Variants in PCDH15 observed in about 807,000 individuals in gnomAD.
PCDH15 encodes protocadherin-15.
Under a neutral mutation model 178.5 loss-of-function variants are expected in PCDH15, and 129 were observed. That is an observed-to-expected ratio of 0.72 (90% confidence interval 0.63 to 0.84). The LOEUF is 0.84. PCDH15 is among the 40% of genes least tolerant of loss of function. The pLI is 0.00. For missense variants in PCDH15, 2,230 were observed against 2,099.9 expected (o/e 1.06, Z -1.21); for synonymous variants, 800 against 732.0 (o/e 1.09, Z -1.50).
chr10:54,996,545 G>A (rs1411698670), intron 2 of PCDH15, among the ~76,000 whole-genome samples: 3 of 152,156 alleles, frequency 2.0e-5, no homozygotes, highest in East Asian at 3.9e-4. Flanking sequence ...CAGCCCTTTG[G>A]GGTGCCTTCT....
chr10:54,617,759 A>C (rs1422836881), intron 2 of PCDH15, among the ~76,000 whole-genome samples: 1 of 38,200 alleles, frequency 2.6e-5, no homozygotes, highest in Non-Finnish European at 7.8e-5. Flanking sequence ...AAAATACAAA[A>C]AAAAAAAAAA....
chr10:55,547,601 AC>A (rs1841912719), intron 2 of PCDH15, among the ~76,000 whole-genome samples: 1 of 152,084 alleles, frequency 6.6e-6, no homozygotes, highest in Admixed American at 6.6e-5. Flanking sequence ...AAACAAAAAA[AC>A]ATTAAACATG....
intron 3 of PCDH15, among the ~76,000 whole-genome samples, chr10:54,839,596 A>C (rs1047664729): frequency 6.6e-6 from 1 of 152,170 alleles, no homozygotes; most frequent in Non-Finnish European, 1.5e-5. Context: ...GCATATTTTA[A>C]GAAATAATGA....
At chr10:54,272,319 A>C (rs2058099594) in intron 8 of PCDH15, among the ~76,000 whole-genome samples, 1 of 151,866 alleles carries the variant, frequency 6.6e-6, no homozygotes, top group Non-Finnish European at 1.5e-5. Context: ...TTAATTGTAC[A>C]GCTATCAAAT....
chr10:54,635,559 A>G (rs1280970577), intron 2 of PCDH15, among the ~76,000 whole-genome samples: 1 of 151,920 alleles, frequency 6.6e-6, no homozygotes, highest in East Asian at 1.9e-4. Flanking sequence ...TAATACATTA[A>G]GCATTGTGTT....
chr10:54,849,396 G>C (rs921098517), intron 3 of PCDH15, among the ~76,000 whole-genome samples: 11 of 151,892 alleles, frequency 7.2e-5, no homozygotes, highest in African/African-American at 2.2e-4. Flanking sequence ...CAAATCTCTT[G>C]GCTGTTTCCC....
Position 55,336,195 on chromosome 10 carries a change from GC to G in PCDH15, c.-155-169545del, listed in dbSNP as rs1461012348. Among the ~76,000 whole-genome samples, 4 of 147,540 alleles carry G rather than the reference GC, an allele frequency of 2.7e-5. No homozygotes were observed. In the East Asian group the frequency reaches 8.3e-4, roughly 31 times the overall value. The stretch of plus-strand genomic sequence containing the variant: ...GTTCTCTCTGACTTTCTCCCTTGCA[GC>G]AGGGCATAAAACAATTCTCTGGGCC... On this transcript the variant is annotated intron_variant, in intron 2 of 5. Transcript: ENST00000613346.
chr10:54,064,816 G>T (rs1010813892), intron 18 of PCDH15, among the ~76,000 whole-genome samples: 31 of 152,266 alleles, frequency 2.0e-4, no homozygotes, highest in African/African-American at 7.2e-4. Context: ...CTCTGTGGGG[G>T]CAGGGGAGCT....
At chr10:54,706,830 C>A (rs939566711) in intron 1 of PCDH15, among the ~76,000 whole-genome samples, 2 of 152,082 alleles carry the variant, frequency 1.3e-5, no homozygotes, top group Non-Finnish European at 2.9e-5. Context: ...ACCATGTGGG[C>A]CAAGCTGGTC....
At chr10:54,937,397 A>G (rs1837935088) in intron 2 of PCDH15, among the ~76,000 whole-genome samples, 2 of 152,070 alleles carry the variant, frequency 1.3e-5, no homozygotes, top group South Asian at 4.1e-4. Context: ...TCATAGATCA[A>G]TTAAGAGATA....
chr10:54,526,107 C>A (rs1021781096), intron 3 of PCDH15, among the ~76,000 whole-genome samples: 1 of 152,194 alleles, frequency 6.6e-6, no homozygotes, highest in Non-Finnish European at 1.5e-5. Flanking sequence ...ACTTTTACCA[C>A]CTGCTACTGT....
At chr10:54,429,184 G>A (rs10825329) in intron 3 of PCDH15, among the ~76,000 whole-genome samples, 23,919 of 152,028 alleles carry the variant, frequency 0.16, 2,024 homozygotes, top group Middle Eastern at 0.24. Flanking sequence ...AAAGCGGGGG[G>A]AGATTTTCAA....
chr10:55,222,956 C>T (rs982647588), intron 1 of PCDH15, among the ~76,000 whole-genome samples: 4 of 151,690 alleles, frequency 2.6e-5, no homozygotes, highest in East Asian at 3.9e-4. Flanking sequence ...TTTTTGATTA[C>T]ATTTCTTTAC....
chr10:53,835,875 A>G (rs189457567), intron 29 of PCDH15, among the ~76,000 whole-genome samples: 254 of 152,302 alleles, frequency 1.7e-3, no homozygotes, highest in African/African-American at 5.9e-3. Flanking sequence ...TTTCTGTAAG[A>G]TAGATTGGGG....
chr10:54,917,877 A>G (rs1837380790), intron 2 of PCDH15, among the ~76,000 whole-genome samples: 3 of 152,330 alleles, frequency 2.0e-5, no homozygotes, highest in Non-Finnish European at 2.9e-5. Context: ...ATTTTTACTC[A>G]TATATGTTGG....
chr10:54,478,376 A>T (rs1286374647), intron 3 of PCDH15, among the ~76,000 whole-genome samples: 1 of 152,178 alleles, frequency 6.6e-6, no homozygotes, highest in East Asian at 1.9e-4. Context: ...CTAGCAAACT[A>T]TAAAAGCTAA....
chr10:54,871,318 T>G (rs897767606), intron 3 of PCDH15, among the ~76,000 whole-genome samples: 6 of 151,988 alleles, frequency 3.9e-5, no homozygotes, highest in Admixed American at 6.6e-5. Flanking sequence ...AGAATATTTG[T>G]ATATATATGA....
chr10:55,013,706 G>A (rs1360941983), intron 2 of PCDH15, among the ~76,000 whole-genome samples: 1 of 152,044 alleles, frequency 6.6e-6, no homozygotes, highest in African/African-American at 2.4e-5. Flanking sequence ...ATTAACATCT[G>A]TCTTCCTCAC....
At chr10:54,404,281 C>G (rs1233577056) in intron 3 of PCDH15, among the ~76,000 whole-genome samples, 1 of 151,918 alleles carries the variant, frequency 6.6e-6, no homozygotes, top group Non-Finnish European at 1.5e-5. Context: ...TACTACAGGG[C>G]TACAGTAACC....
Sources: gnomAD v4.1 joint callset for allele counts (sites outside exome capture counted in the v4.1 genomes callset) on GRCh38, gnomAD v4.1.1 for gene constraint, MANE v1.5 for transcripts, NCBI Gene and HGNC (gene_info 2026-07-23, HGNC 2026-07-21) for gene names.